CAMTA2: variants seen among roughly 807,000 people sequenced by gnomAD.
CAMTA2 encodes calmodulin-binding transcription activator 2.
A neutral mutation model predicts 135.7 loss-of-function variants in CAMTA2; 56 were observed. The ratio of observed to expected loss-of-function variants is 0.41; its 90% CI spans 0.33 to 0.52. The LOEUF is 0.52. CAMTA2 is among the 20% of genes least tolerant of loss of function. The probability of loss-of-function intolerance (pLI) is 0.16; values close to 1 mark genes in which losing one functional copy is unlikely to be tolerated. For missense variants in CAMTA2, 1,358 were observed against 1,553.4 expected (o/e 0.87, Z 2.11); for synonymous variants, 591 against 604.6 (o/e 0.98, Z 0.33).
chr17:4,985,824 C>T (rs942679033), intron 3 of CAMTA2, 56 bp downstream of exon 3: 1 of 1,104,524 alleles, frequency 9.1e-7, no homozygotes, highest in African/African-American at 1.5e-5. Context: ...CCCCACTCAC[C>T]CTCCTCCAGC....
At position 4,968,192 on chromosome 17, in the gene CAMTA2, G is replaced by A; in HGVS notation, c.*564C>T. 3.9e-6 allele frequency: 1 copy of A among 258,928 alleles called. No homozygotes were observed. Among genetic ancestry groups the A allele is most frequent in the East Asian group, 8.8e-5 (1 of 11,324 alleles). The allele number at this position is 258,928 out of a possible 1,614,324, so 16.0% of individuals were successfully genotyped here. A position where few individuals can be genotyped will look rare whatever the true frequency, so the allele number is the denominator to read the frequency against. ...GTATGTACAAGACCCCTCCCCTCGG[G>A]GGACGGGGCGGACTCCGCAACGCGT... On this transcript the variant is annotated 3_prime_UTR_variant, in exon 23 of 23. Coordinates refer to ENST00000348066, the MANE Select transcript of CAMTA2 (RefSeq NM_015099.4).
intron 6 of CAMTA2, 28 bp downstream of exon 6, chr17:4,982,061 G>T (rs1375653598): frequency 6.4e-7 from 1 of 1,559,984 alleles, no homozygotes; most frequent in Admixed American, 1.7e-5. Flanking sequence ...CAGGAAGAGG[G>T]TGGCTCCCTG....
In CAMTA2 at chr17:4,974,575, C is replaced by T. The variant is rs1303939037; in HGVS notation, c.1901-75G>A. The T allele has an allele frequency of 6.9e-6, 6 of 866,388 alleles. No homozygotes were observed. In the East Asian group the frequency reaches 1.2e-4, roughly 18 times the overall value. The allele number at this position is 866,388 out of a possible 1,614,324, so 53.7% of individuals were successfully genotyped here. ...CTGAACACCAAAAGTAGACCTGTCC[C>T]AAGATCTGGGGATGAGGACACAGAA... On this transcript the variant is annotated intron_variant, in intron 11 of 22. Coordinates refer to ENST00000348066, the MANE Select transcript of CAMTA2 (RefSeq NM_015099.4).
chr17:4,987,112 G>A (rs1342208619), intron 1 of CAMTA2: 9 of 1,366,614 alleles, frequency 6.6e-6, no homozygotes, highest in African/African-American at 6.1e-5. Flanking sequence ...TGGGGTTGGG[G>A]TAAGGACTCC....
intron 1 of CAMTA2, chr17:4,987,350 G>A (rs1361691617): frequency 1.9e-5 from 26 of 1,351,518 alleles, no homozygotes; most frequent in Admixed American, 3.9e-5. Flanking sequence ...CGCGGTGGGC[G>A]AGGGACAGTG....
At position 4,969,047 on chromosome 17, in the gene CAMTA2, C is replaced by T; in HGVS notation, c.3471-66G>A. On this transcript the variant is annotated intron_variant, in intron 21 of 22. Transcript: ENST00000348066. This position sits in a 1 kb window ranked among gnomAD's most constrained non-coding sequence, Gnocchi z 5.6. The stretch of plus-strand genomic sequence containing the variant: ...GCATGCCTTCGGCCCCCCCAGGAAC[C>T]CTAGGCAGGGAATGGCAGTGAGGCA... The T allele has an allele frequency of 6.3e-7, 1 of 1,593,122 alleles. No homozygotes were observed. The highest frequency in any genetic ancestry group is 8.6e-7 in the Non-Finnish European group (1 of 1,165,028).
At position 4,972,260 on chromosome 17, in the gene CAMTA2, T is replaced by C. The variant is rs1357826310; in HGVS notation, c.2780A>G (p.Asp927Gly). ...SDDGAAPEDA[D>G]SPQAVDVIPV... ...GATCACATCCACAGCCTGTGGGCTG[T>C]CAGCGTCCTCTGGAGCAGCCCCATC... Residue 927 changes from aspartate to glycine, a missense_variant, in exon 16 of 23, where the codon GAC (aspartate) becomes GGC (glycine). Physicochemically the swap from Asp to Gly is moderately conservative, Grantham distance 94. Coordinates refer to ENST00000348066, the MANE Select transcript of CAMTA2 (RefSeq NM_015099.4). The C allele has an allele frequency of 6.2e-7, 1 of 1,613,976 alleles. No homozygotes were observed. Among genetic ancestry groups the C allele is most frequent in the African/African-American group, 1.3e-5 (1 of 75,030 alleles).
chr17:4,974,134 C>T (rs77486643), intron 12 of CAMTA2: 34 of 549,694 alleles, frequency 6.2e-5, no homozygotes, highest in East Asian at 4.8e-4. Context: ...ACCCCTCCCC[C>T]GCCCTCTCCT....
In CAMTA2 at chr17:4,980,474, A is replaced by G. The variant is rs1597763585; in HGVS notation, c.848T>C (p.Leu283Pro). 1 of 1,461,332 alleles carries G rather than the reference A, an allele frequency of 6.8e-7. No homozygotes were observed. The highest frequency in any genetic ancestry group is 1.8e-5 in the African/African-American group (1 of 54,080). The allele number at this position is 1,461,332 out of a possible 1,614,324, so 90.5% of individuals were successfully genotyped here. The change falls in exon 9 of 23, where the codon CTC becomes CCC. Residue 283 changes from leucine to proline, a missense_variant. Around this residue, in one of 4 missense-constraint regions of CAMTA2, gnomAD observed 1,077 missense variants for 1,127.5 expected, o/e 0.96. Transcript: ENST00000348066. The surrounding 1 kb of genome is among the most constrained non-coding windows in gnomAD (Gnocchi z 5.3). ...AGATGGGGAGGTGTGTGCCTTGGGG[A>G]GCTCTGGGGGAAGTGGGGCTATCAG... is the stretch of plus-strand genomic sequence containing the variant. The part of the protein sequence containing the change: ...PPLIAPLPPE[L>P]PKAHTSPSSS...
intron 6 of CAMTA2, 108 bp downstream of exon 6, chr17:4,981,981 G>A: frequency 2.4e-6 from 3 of 1,264,524 alleles, no homozygotes; most frequent in South Asian, 1.2e-5. Flanking sequence ...TTCTTCCCAG[G>A]CTCCTTTCCT....
At position 4,980,803 on chromosome 17, in the gene CAMTA2, C is replaced by T. The variant is rs1340973014; in HGVS notation, c.701-182G>A. 6.6e-6 allele frequency among the ~76,000 whole-genome samples: 1 copy of T among 152,128 alleles called. No individual in the cohort carries two copies. Among genetic ancestry groups the T allele is most frequent in the Non-Finnish European group, 1.5e-5 (1 of 68,024 alleles). On this transcript the variant is annotated intron_variant, in intron 8 of 22. Coordinates refer to ENST00000348066, the MANE Select transcript of CAMTA2 (RefSeq NM_015099.4). The surrounding 1 kb of genome is among the most constrained non-coding windows in gnomAD (Gnocchi z 5.3). ...CTACCCCTACCCTTTATTCCCCCTCCCCCTCTCCATTTCCCCTCAAAACAA... is the reference window on the plus strand; with the variant it reads ...CTACCCCTACCCTTTATTCCCCCTCTCCCTCTCCATTTCCCCTCAAAACAA...
At chr17:4,972,623 TC>T in intron 15 of CAMTA2, 87 bp from the exon 16 acceptor site, 1 of 1,483,892 alleles carries the variant, frequency 6.7e-7, no homozygotes, top group South Asian at 1.1e-5. Flanking sequence ...CTGTTCTCGG[TC>T]CCCGTCTGTT....
rs769973720 is a variant in CAMTA2, at chr17:4,986,269, G to T, written c.-47C>A. 2.0e-6 allele frequency: 3 copies of T among 1,478,944 alleles called. No homozygotes were observed. Among genetic ancestry groups the T allele is most frequent in the South Asian group, 1.2e-5 (1 of 86,134 alleles). 91.6% of individuals were successfully genotyped at this position (1,478,944 alleles called of 1,614,324 possible). On this transcript the variant is annotated 5_prime_UTR_variant, in exon 2 of 23. Coordinates refer to ENST00000348066, the MANE Select transcript of CAMTA2 (RefSeq NM_015099.4). ...GGTCACCCCCGGCCTGAGGGGCCGG[G>T]GGGAGGGGGAGTCTGTGCTGGGAAG...
intron 3 of CAMTA2, among the ~76,000 whole-genome samples, chr17:4,985,028 A>C (rs1237596182): frequency 3.2e-5 from 4 of 126,246 alleles, no homozygotes; most frequent in Admixed American, 8.1e-5. Flanking sequence ...AAAAAAAAAC[A>C]AACAAAAATT....
chr17:4,975,178 G>A (rs1239111586), intron 11 of CAMTA2, among the ~76,000 whole-genome samples: 1 of 152,136 alleles, frequency 6.6e-6, no homozygotes, highest in African/African-American at 2.4e-5. Context: ...GAGGCAGGAG[G>A]GGATCAGAGC....
At chr17:4,981,650 G>A in intron 7 of CAMTA2, 28 bp downstream of exon 7, 2 of 1,562,512 alleles carry the variant, frequency 1.3e-6, no homozygotes, top group Non-Finnish European at 1.7e-6. Context: ...TCTCCCCTTG[G>A]AGCTCTATCC....
At chr17:4,987,515 C>G in intron 1 of CAMTA2, 78 bp downstream of exon 1, 1 of 1,425,242 alleles carries the variant, frequency 7.0e-7, no homozygotes, top group South Asian at 1.4e-5. Flanking sequence ...CCTGGCGCGG[C>G]GCTCCGCGTC....
Position 4,981,323 on chromosome 17 carries a change from T to G in CAMTA2, c.602A>C (p.Glu201Ala). The G allele has an allele frequency of 1.9e-6, 3 of 1,614,086 alleles. No individual in the cohort carries two copies. The highest frequency in any genetic ancestry group is 1.1e-5 in the South Asian group (1 of 91,088). Residue 201 changes from glutamate to alanine, a missense_variant, in exon 8 of 23, where the codon GAA (glutamate) becomes GCA (alanine). Glu to Ala is a moderately radical substitution (Grantham distance 107). Coordinates refer to ENST00000348066, the MANE Select transcript of CAMTA2 (RefSeq NM_015099.4). ...GIKWSCGNGT[E>A]EFSVEHLVQQ... Reference sequence around the variant, plus strand: ...CACCAGGTGTTCTACAGAGAACTCTTCTGTTCCATTCCCGCAGCTCCACTT... The same window carrying G: ...CACCAGGTGTTCTACAGAGAACTCTGCTGTTCCATTCCCGCAGCTCCACTT...
In CAMTA2 at chr17:4,969,249, C is replaced by G; in HGVS notation, c.3371G>C (p.Ser1124Thr). 1.2e-6 allele frequency: 2 copies of G among 1,613,920 alleles called. No individual in the cohort carries two copies. Among genetic ancestry groups the G allele is most frequent in the Non-Finnish European group, 1.7e-6 (2 of 1,180,038 alleles). Reference protein sequence around the residue: ...SYYEQKRFQQSRRAAVLIQQH... With the variant: ...SYYEQKRFQQTRRAAVLIQQH... ...CTGGATGAGCACAGCCGCTCGGCGGCTCTGCTGAAATCGCTTCTGTTCATA... is the reference window on the plus strand; with the variant it reads ...CTGGATGAGCACAGCCGCTCGGCGGGTCTGCTGAAATCGCTTCTGTTCATA... Residue 1124 changes from serine to threonine, a missense_variant, in exon 21 of 23, where the codon AGC becomes ACC. By Grantham distance (58) the Ser-to-Thr change is moderately conservative (BLOSUM62 1). Coordinates refer to ENST00000348066, the MANE Select transcript of CAMTA2 (RefSeq NM_015099.4). The surrounding 1 kb of genome is among the most constrained non-coding windows in gnomAD (Gnocchi z 5.6).
Sources: allele counts gnomAD v4.1 joint callset (sites outside exome capture counted in the v4.1 genomes callset), GRCh38; gene constraint gnomAD v4.1.1; regional missense constraint gnomAD v4.1.1; non-coding constraint Gnocchi (gnomAD v3.1); transcripts MANE v1.5; gene names NCBI Gene and HGNC (gene_info 2026-07-23, HGNC 2026-07-21).